NKAIN2: variants seen among roughly 807,000 people sequenced by gnomAD.
The protein encoded by NKAIN2 is sodium/potassium transporting ATPase interacting 2.
A neutral mutation model predicts 32.6 loss-of-function variants in NKAIN2; 14 were observed. The observed-to-expected ratio is 0.43, with a 90% CI of 0.28 to 0.67. The LOEUF (loss-of-function observed/expected upper bound fraction) is 0.67. Ranked by LOEUF, NKAIN2 falls within the 30% of genes least tolerant of loss-of-function variation. The pLI is 0.17. For synonymous variants in NKAIN2, 80 were observed against 87.2 expected (o/e 0.92, Z 0.46); for missense variants, 198 against 258.3 (o/e 0.77, Z 1.60).
chr6:123,945,899 C>T (rs899304722), intron 1 of NKAIN2, among the ~76,000 whole-genome samples: 1 of 152,144 alleles, frequency 6.6e-6, no homozygotes, highest in African/African-American at 2.4e-5. Context: ...ACTGAGCCTT[C>T]AGCACAATTT....
chr6:124,493,022 G>T (rs756132855), intron 3 of NKAIN2, among the ~76,000 whole-genome samples: 2 of 151,902 alleles, frequency 1.3e-5, no homozygotes, highest in Non-Finnish European at 2.9e-5. Context: ...CAATAAAATG[G>T]AATAAGTTAT....
intron 1 of NKAIN2, among the ~76,000 whole-genome samples, chr6:124,082,481 T>C (rs997946322): frequency 8.6e-5 from 13 of 152,046 alleles, no homozygotes; most frequent in Non-Finnish European, 1.6e-4. Flanking sequence ...GATGAACCCA[T>C]GGTCTTTTGA....
intron 1 of NKAIN2, among the ~76,000 whole-genome samples, chr6:124,280,638 G>C (rs926937524): frequency 6.6e-6 from 1 of 152,124 alleles, no homozygotes; most frequent in Non-Finnish European, 1.5e-5. Context: ...TACAGTAGGT[G>C]TTCTAACAAA....
At chr6:124,538,665 T>TA (rs1730825388) in intron 3 of NKAIN2, among the ~76,000 whole-genome samples, 1 of 152,154 alleles carries the variant, frequency 6.6e-6, no homozygotes, top group Non-Finnish European at 1.5e-5. Flanking sequence ...CTCACTGTTT[T>TA]ATCTCTGAAA....
At chr6:124,557,477 T>G (rs1342516721) in intron 3 of NKAIN2, among the ~76,000 whole-genome samples, 1 of 152,170 alleles carries the variant, frequency 6.6e-6, no homozygotes, top group Admixed American at 6.5e-5. Context: ...TCAAGTAACT[T>G]TGCTGATTAA....
At chr6:124,155,837 A>G (rs1442919708) in intron 1 of NKAIN2, among the ~76,000 whole-genome samples, 1 of 152,108 alleles carries the variant, frequency 6.6e-6, no homozygotes, top group African/African-American at 2.4e-5. Flanking sequence ...ATAAATGAAA[A>G]GATAAATGGT....
chr6:123,835,609 A>G (rs928066833), intron 1 of NKAIN2, among the ~76,000 whole-genome samples: 5 of 152,160 alleles, frequency 3.3e-5, no homozygotes, highest in Non-Finnish European at 7.4e-5. Context: ...ACAGAGAGAC[A>G]TCACATTGCA....
chr6:124,237,101 A>G (rs1792811774), intron 1 of NKAIN2, among the ~76,000 whole-genome samples: 2 of 152,194 alleles, frequency 1.3e-5, no homozygotes, highest in Admixed American at 1.3e-4. Flanking sequence ...TACTATGGAA[A>G]GACAAAAGTT....
intron 4 of NKAIN2, among the ~76,000 whole-genome samples, chr6:124,774,543 C>A (rs1040267221): frequency 3.8e-4 from 58 of 152,110 alleles, no homozygotes; most frequent in African/African-American, 1.4e-3. Context: ...GTCAGACACA[C>A]AAGTATGTCC....
intron 2 of NKAIN2, among the ~76,000 whole-genome samples, chr6:124,349,075 A>G (rs934666705): frequency 1.3e-5 from 2 of 152,124 alleles, no homozygotes; most frequent in Non-Finnish European, 2.9e-5. Flanking sequence ...AGAACTGATT[A>G]TATTATTGTT....
chr6:123,826,807 G>C (rs1252854678), intron 1 of NKAIN2, among the ~76,000 whole-genome samples: 1 of 152,054 alleles, frequency 6.6e-6, no homozygotes, highest in African/African-American at 2.4e-5. Context: ...ATGAATATAG[G>C]TGTACAAGTA....
At chr6:124,067,699 A>C (rs1380413509) in intron 1 of NKAIN2, among the ~76,000 whole-genome samples, 1 of 152,136 alleles carries the variant, frequency 6.6e-6, no homozygotes, top group African/African-American at 2.4e-5. Context: ...ATGATAATAT[A>C]CTACCCCTGG....
intron 1 of NKAIN2, among the ~76,000 whole-genome samples, chr6:124,165,513 A>T (rs1253888307): frequency 1.3e-5 from 2 of 151,640 alleles, no homozygotes; most frequent in Non-Finnish European, 2.9e-5. Flanking sequence ...GTATTTTTTT[A>T]TTTTATTTTA....
chr6:124,136,212 A>G (rs376146993), intron 1 of NKAIN2, among the ~76,000 whole-genome samples: 4 of 152,200 alleles, frequency 2.6e-5, no homozygotes, highest in African/African-American at 9.6e-5. Context: ...TACCACAGAA[A>G]TACAAAATAT....
At chr6:124,390,156 T>C (rs761209824) in intron 3 of NKAIN2, among the ~76,000 whole-genome samples, 4 of 152,082 alleles carry the variant, frequency 2.6e-5, no homozygotes, top group Non-Finnish European at 5.9e-5. Flanking sequence ...GCTCTCAAGC[T>C]CTCCTCCTAT....
chr6:123,804,096 C>G lies in NKAIN2; in HGVS notation c.-105C>G, dbSNP rs1773110562. 1 of 1,022,640 alleles carries G rather than the reference C, an allele frequency of 9.8e-7. No homozygotes were observed. The highest frequency in any genetic ancestry group is 2.4e-5 in the East Asian group (1 of 42,150). 63.3% of individuals were successfully genotyped at this position (1,022,640 alleles called of 1,614,324 possible). ...CAGCAGCAGCCCGGAGCCCCCGAGC[C>G]CTCGGCAGGTTTGCGTGTCCTTCCC... On this transcript the variant is annotated 5_prime_UTR_variant, in exon 1 of 7. Transcript: ENST00000368417.
At chr6:124,487,674 A>G (rs186207404) in intron 3 of NKAIN2, among the ~76,000 whole-genome samples, 4 of 152,248 alleles carry the variant, frequency 2.6e-5, no homozygotes, top group Admixed American at 2.6e-4. Context: ...CCTATCGGTG[A>G]TCATTCTCTT....
intron 1 of NKAIN2, among the ~76,000 whole-genome samples, chr6:124,124,162 G>T (rs979162740): frequency 2.0e-5 from 3 of 152,078 alleles, no homozygotes; most frequent in Non-Finnish European, 2.9e-5. Context: ...ATTTTAAAAA[G>T]CATGGGTTCA....
intron 3 of NKAIN2, among the ~76,000 whole-genome samples, chr6:124,363,728 T>G (rs1799395298): frequency 6.6e-6 from 1 of 152,158 alleles, no homozygotes; most frequent in African/African-American, 2.4e-5. Context: ...CAATTCTTGA[T>G]TGAAATAAAC....
Sources: allele counts gnomAD v4.1 joint callset (sites outside exome capture counted in the v4.1 genomes callset), GRCh38; gene constraint gnomAD v4.1.1; transcripts MANE v1.5; gene names NCBI Gene and HGNC (gene_info 2026-07-23, HGNC 2026-07-21).